TENM4: variants seen among roughly 807,000 people sequenced by gnomAD.
TENM4 encodes teneurin-4.
Under a neutral mutation model 243.3 loss-of-function variants are expected in TENM4, and 82 were observed. That is an observed-to-expected ratio of 0.34 (90% CI 0.28 to 0.40). The LOEUF is 0.40. Ranked by LOEUF, TENM4 falls within the 10% of genes least tolerant of loss-of-function variation. The pLI, the probability that TENM4 is intolerant of heterozygous loss-of-function variation, is 1.00. For synonymous variants in TENM4, 1,412 were observed against 1,456.3 expected (o/e 0.97, Z 0.69); for missense variants, 3,138 against 3,673.3 (o/e 0.85, Z 3.77).
At chr11:79,061,094 A>G (rs983834069) in intron 6 of TENM4, among the ~76,000 whole-genome samples, 3 of 152,182 alleles carry the variant, frequency 2.0e-5, no homozygotes, top group South Asian at 4.2e-4. Flanking sequence ...TCAACTAGAT[A>G]TGTGGCCCTG....
chr11:79,409,099 TGTGC>T (rs1555065578), intron 1 of TENM4, among the ~76,000 whole-genome samples: 5,473 of 100,966 alleles, frequency 0.054, 141 homozygotes, highest in Middle Eastern at 0.076. Context: ...TGTGTGTGTG[TGTGC>T]GCGCGCGCGC....
chr11:79,281,053 A>C (rs1856148639), intron 2 of TENM4, among the ~76,000 whole-genome samples: 1 of 152,176 alleles, frequency 6.6e-6, no homozygotes, highest in Non-Finnish European at 1.5e-5. Context: ...AACTACAAAA[A>C]CACTGGGCTG....
At chr11:78,747,262 C>A (rs1417809146) in intron 19 of TENM4, among the ~76,000 whole-genome samples, 1 of 152,192 alleles carries the variant, frequency 6.6e-6, no homozygotes, top group Admixed American at 6.5e-5. Context: ...GCTCCAGACC[C>A]AGATGTGGCA....
chr11:79,315,392 G>A (rs1414190384), intron 1 of TENM4, among the ~76,000 whole-genome samples: 3 of 152,204 alleles, frequency 2.0e-5, no homozygotes. Flanking sequence ...AACATCACAT[G>A]GCCCCTGGAA....
intron 19 of TENM4, among the ~76,000 whole-genome samples, chr11:78,752,983 T>C (rs1213979705): frequency 6.6e-6 from 1 of 152,238 alleles, no homozygotes; most frequent in Non-Finnish European, 1.5e-5. Flanking sequence ...GTACTTTTTG[T>C]TCCCATTTAA....
intron 28 of TENM4, among the ~76,000 whole-genome samples, chr11:78,689,075 G>C (rs572773571): frequency 3.9e-5 from 6 of 152,198 alleles, no homozygotes; most frequent in African/African-American, 1.2e-4. Flanking sequence ...TTGTCTAAAA[G>C]GTATGTATTA....
intron 6 of TENM4, among the ~76,000 whole-genome samples, chr11:78,982,547 C>T (rs1217894545): frequency 6.6e-6 from 1 of 152,146 alleles, no homozygotes; most frequent in Non-Finnish European, 1.5e-5. Context: ...ATGCTGGGCC[C>T]TGCCCCTCTG....
At chr11:79,031,691 G>A (rs1351840222) in intron 6 of TENM4, among the ~76,000 whole-genome samples, 5 of 152,182 alleles carry the variant, frequency 3.3e-5, no homozygotes, top group Non-Finnish European at 4.4e-5. Flanking sequence ...CTTGTGAGGC[G>A]GGCACAGAGG....
intron 1 of TENM4, among the ~76,000 whole-genome samples, chr11:79,434,420 C>T (rs575280570): frequency 5.3e-5 from 8 of 151,964 alleles, no homozygotes; most frequent in Non-Finnish European, 1.0e-4. Flanking sequence ...AAATCCACAG[C>T]CTCAGCAAAT....
At chr11:79,030,753 C>T (rs1452120800) in intron 6 of TENM4, among the ~76,000 whole-genome samples, 1 of 152,106 alleles carries the variant, frequency 6.6e-6, no homozygotes, top group Non-Finnish European at 1.5e-5. Flanking sequence ...TGTCAAACAG[C>T]CTCGGCAGAC....
intron 4 of TENM4, among the ~76,000 whole-genome samples, chr11:79,109,584 C>G (rs11826323): frequency 6.6e-6 from 1 of 152,072 alleles, no homozygotes; most frequent in Non-Finnish European, 1.5e-5. Flanking sequence ...TCCCAGCCCA[C>G]GCAAGCGAGC....
At chr11:78,992,641 A>T (rs1283684259) in intron 6 of TENM4, among the ~76,000 whole-genome samples, 1 of 152,232 alleles carries the variant, frequency 6.6e-6, no homozygotes, top group African/African-American at 2.4e-5. Context: ...AGGCAGAAGA[A>T]ATAGCATGGA....
intron 2 of TENM4, among the ~76,000 whole-genome samples, chr11:79,242,636 G>T (rs78172748): frequency 6.6e-6 from 1 of 152,074 alleles, no homozygotes; most frequent in African/African-American, 2.4e-5. Context: ...CATTTTTAAC[G>T]GCTACAAAAT....
At chr11:79,259,786 G>A (rs1214324595) in intron 2 of TENM4, among the ~76,000 whole-genome samples, 1 of 152,130 alleles carries the variant, frequency 6.6e-6, no homozygotes, top group African/African-American at 2.4e-5. Context: ...TCACTATGGC[G>A]CTAGGTACCA....
intron 6 of TENM4, among the ~76,000 whole-genome samples, chr11:79,042,606 C>A (rs1160652541): frequency 4.6e-5 from 7 of 152,194 alleles, no homozygotes; most frequent in African/African-American, 1.7e-4. Flanking sequence ...GAACTGTGAG[C>A]AATAAATTTC....
chr11:78,700,018 G>A (rs1371576612), intron 28 of TENM4, among the ~76,000 whole-genome samples: 1 of 152,176 alleles, frequency 6.6e-6, no homozygotes, highest in Non-Finnish European at 1.5e-5. Flanking sequence ...TAATTAACAA[G>A]GTCCTTGTTT....
intron 6 of TENM4, among the ~76,000 whole-genome samples, chr11:78,967,974 G>T (rs1185597189): frequency 6.6e-6 from 1 of 152,246 alleles, no homozygotes; most frequent in East Asian, 1.9e-4. Flanking sequence ...AATGTGATCC[G>T]CAGTGTTGGA....
chr11:79,300,412 C>T (rs1328483547), intron 1 of TENM4, among the ~76,000 whole-genome samples: 1 of 152,096 alleles, frequency 6.6e-6, no homozygotes, highest in Non-Finnish European at 1.5e-5. Context: ...ATGGACACAG[C>T]ATTATTTCTA....
chr11:78,903,234 C>T, intron 7 of TENM4, 34 bp downstream of exon 7: 1 of 1,475,644 alleles, frequency 6.8e-7, no homozygotes, highest in Non-Finnish European at 8.9e-7. Context: ...GGTGCCCACC[C>T]TCCTCAGCCT....
Sources: allele counts gnomAD v4.1 joint callset (sites outside exome capture counted in the v4.1 genomes callset), GRCh38; gene constraint gnomAD v4.1.1; transcripts MANE v1.5; gene names NCBI Gene and HGNC (gene_info 2026-07-23, HGNC 2026-07-21).